Variants in NFIA observed in about 807,000 individuals in gnomAD.
NFIA encodes nuclear factor 1 A-type.
A neutral mutation model predicts 62.8 loss-of-function variants in NFIA; 8 were observed. The ratio of observed to expected loss-of-function variants is 0.13; its 90% CI spans 0.07 to 0.23. The LOEUF is 0.23. Ranked by LOEUF, NFIA falls within the 10% of genes least tolerant of loss-of-function variation. NFIA has a pLI of 1.00. For synonymous variants in NFIA, 235 were observed against 238.1 expected (o/e 0.99, Z 0.12); for missense variants, 410 against 642.1 (o/e 0.64, Z 3.91).
intron 5 of NFIA, among the ~76,000 whole-genome samples, chr1:61,354,253 G>A (rs1040510890): frequency 1.3e-4 from 20 of 152,178 alleles, no homozygotes; most frequent in Admixed American, 3.3e-4. Flanking sequence ...TTAATAACCC[G>A]GTAATATGTT....
chr1:61,103,719 GT>G (rs1646550425), intron 2 of NFIA, among the ~76,000 whole-genome samples: 1 of 152,064 alleles, frequency 6.6e-6, no homozygotes, highest in Admixed American at 6.6e-5. Flanking sequence ...ATATAAAATA[GT>G]TTTTGGGCAT....
chr1:61,256,836 GACTC>G (rs1391428947), intron 2 of NFIA, among the ~76,000 whole-genome samples: 1 of 152,110 alleles, frequency 6.6e-6, no homozygotes, highest in Non-Finnish European at 1.5e-5. Context: ...GGCCCAAAAA[GACTC>G]ACTCACAGTG....
intron 2 of NFIA, among the ~76,000 whole-genome samples, chr1:61,197,769 C>T (rs983102215): frequency 1.3e-5 from 2 of 151,722 alleles, no homozygotes; most frequent in African/African-American, 4.8e-5. Context: ...ATCACCAGGT[C>T]AGGAGTTCAA....
At chr1:61,353,130 G>A (rs944454758) in intron 5 of NFIA, among the ~76,000 whole-genome samples, 1 of 151,970 alleles carries the variant, frequency 6.6e-6, no homozygotes, top group Non-Finnish European at 1.5e-5. Flanking sequence ...TTTTCCCACC[G>A]AGCCCCCAAA....
At chr1:61,256,142 T>C (rs1392211626) in intron 2 of NFIA, among the ~76,000 whole-genome samples, 1 of 152,096 alleles carries the variant, frequency 6.6e-6, no homozygotes, top group African/African-American at 2.4e-5. Flanking sequence ...AATCTTAGCA[T>C]GTTGGCCAGG....
At chr1:61,311,268 A>G (rs1660096767) in intron 3 of NFIA, among the ~76,000 whole-genome samples, 1 of 152,042 alleles carries the variant, frequency 6.6e-6, no homozygotes, top group Admixed American at 6.6e-5. Flanking sequence ...GCACATGCCT[A>G]TAGTCCCAGC....
intron 2 of NFIA, among the ~76,000 whole-genome samples, chr1:61,105,227 G>C (rs909054050): frequency 2.2e-4 from 33 of 152,048 alleles, no homozygotes; most frequent in African/African-American, 7.2e-4. Context: ...TCATGAAGGA[G>C]AAATACAGTT....
intron 2 of NFIA, among the ~76,000 whole-genome samples, chr1:61,208,305 G>C (rs1021156431): frequency 6.6e-6 from 1 of 152,152 alleles, no homozygotes. Flanking sequence ...TATTCCTTCT[G>C]AGAGCAGCTA....
intron 2 of NFIA, among the ~76,000 whole-genome samples, chr1:61,104,668 TAA>T (rs1218791386): frequency 6.6e-6 from 1 of 152,036 alleles, no homozygotes; most frequent in African/African-American, 2.4e-5. Flanking sequence ...GACTTTCCCA[TAA>T]AGTGTTTCTG....
intron 1 of NFIA, among the ~76,000 whole-genome samples, chr1:61,083,528 G>A (rs940498665): frequency 6.6e-6 from 1 of 151,966 alleles, no homozygotes; most frequent in Admixed American, 6.6e-5. Flanking sequence ...CGGCTGAGCG[G>A]GGCTACGTGG....
At position 61,156,065 on chromosome 1, in the gene NFIA, C is replaced by T. The variant is rs547339879; in HGVS notation, c.559+67385C>T. ...AGGAGAACTGTTTGAACCCGGGAGG[C>T]GGAGGTTGCAGTGAGCTGAGATCAT... On this transcript the variant is annotated intron_variant, in intron 2 of 10. Coordinates refer to ENST00000403491, the MANE Select transcript of NFIA (RefSeq NM_001134673.4). Among the ~76,000 whole-genome samples, 23 of 152,162 alleles carry T rather than the reference C, an allele frequency of 1.5e-4. No individual in the cohort carries two copies. The East Asian group carries it at 2.1e-3, about 14-fold the overall frequency.
chr1:61,171,687 A>G (rs1291746921), intron 2 of NFIA, among the ~76,000 whole-genome samples: 3 of 152,192 alleles, frequency 2.0e-5, no homozygotes, highest in Non-Finnish European at 4.4e-5. Flanking sequence ...TGTGGCTATC[A>G]TTCCTATGGT....
In NFIA at chr1:61,336,297, G is replaced by A. The variant is rs78251251; in HGVS notation, c.700+3711G>A. Among the ~76,000 whole-genome samples the A allele has an allele frequency of 4.5e-3, 691 of 152,202 alleles. 3 individuals carry two copies. Among genetic ancestry groups the A allele is most frequent in the Middle Eastern group, 0.01 (3 of 294 alleles). On this transcript the variant is annotated intron_variant, in intron 4 of 10. Coordinates refer to ENST00000403491, the MANE Select transcript of NFIA (RefSeq NM_001134673.4). ...TTTTCATGTAAACCAAAGCAAGTAA[G>A]ATACTTAATTAATTTTTTTTCCTGG...
At chr1:61,334,573 A>C (rs1210277916) in intron 4 of NFIA, among the ~76,000 whole-genome samples, 1 of 60,460 alleles carries the variant, frequency 1.7e-5, no homozygotes, top group African/African-American at 9.2e-5. Flanking sequence ...ATATATATAT[A>C]TATATATATA....
intron 10 of NFIA, among the ~76,000 whole-genome samples, chr1:61,448,786 A>G (rs1011562599): frequency 2.0e-5 from 3 of 152,194 alleles, no homozygotes; most frequent in Non-Finnish European, 2.9e-5. Flanking sequence ...ATGAGGTAAA[A>G]GGTTACGTGA....
chr1:61,379,142 C>G (rs1016987111), intron 6 of NFIA, among the ~76,000 whole-genome samples: 1 of 152,104 alleles, frequency 6.6e-6, no homozygotes, highest in African/African-American at 2.4e-5. Flanking sequence ...TTATCATATT[C>G]ACAAGTATCT....
chr1:61,242,739 A>G (rs1411901499), intron 2 of NFIA, among the ~76,000 whole-genome samples: 1 of 152,162 alleles, frequency 6.6e-6, no homozygotes, highest in Non-Finnish European at 1.5e-5. Context: ...ATTCCTAAAG[A>G]TAGTTTTTAG....
intron 2 of NFIA, among the ~76,000 whole-genome samples, chr1:61,124,093 A>G (rs554883493): frequency 6.6e-6 from 1 of 152,356 alleles, no homozygotes; most frequent in African/African-American, 2.4e-5. Flanking sequence ...CATTAGGATC[A>G]TGTTTTGTAA....
intron 2 of NFIA, among the ~76,000 whole-genome samples, chr1:61,228,718 G>A (rs987032820): frequency 6.6e-6 from 1 of 151,670 alleles, no homozygotes; most frequent in Admixed American, 6.6e-5. Context: ...GAAGGTTTTC[G>A]GTGTAATGTT....
Sources: allele counts gnomAD v4.1 joint callset (sites outside exome capture counted in the v4.1 genomes callset), GRCh38; gene constraint gnomAD v4.1.1; transcripts MANE v1.5; gene names NCBI Gene and HGNC (gene_info 2026-07-23, HGNC 2026-07-21).